Variants in DCAF1 observed in about 807,000 individuals in gnomAD.
DCAF1 encodes DDB1 and CUL4 associated factor 1.
DCAF1 carries 15 observed loss-of-function variants against 128.0 expected under a neutral mutation model. That is an observed-to-expected ratio of 0.12 (90% CI 0.08 to 0.18). The LOEUF (loss-of-function observed/expected upper bound fraction) is 0.18. Among genes scored for constraint, DCAF1 ranks in the 10% least tolerant of loss-of-function variants. The pLI is 1.00. For synonymous variants in DCAF1, 610 were observed against 603.0 expected (o/e 1.01, Z -0.17); for missense variants, 988 against 1,649.5 (o/e 0.60, Z 6.95).
chr3:51,448,211 T>C (rs1577180365), intron 6 of DCAF1, among the ~76,000 whole-genome samples: 1 of 152,238 alleles, frequency 6.6e-6, no homozygotes. Flanking sequence ...GCCTTTGTCC[T>C]TTCTCATCTC....
intron 3 of DCAF1, among the ~76,000 whole-genome samples, chr3:51,475,613 G>A (rs1398026720): frequency 2.6e-5 from 4 of 152,228 alleles, no homozygotes; most frequent in Admixed American, 6.5e-5. Flanking sequence ...CGTAATCCCA[G>A]CACTTTGGGA....
chr3:51,416,652 T>C lies in DCAF1; in HGVS notation c.3603+135A>G, dbSNP rs201411622. On this transcript the variant is annotated intron_variant, in intron 18 of 24. Transcript: ENST00000684031. ...AGCTCAGAACTATATTATCATACTT[T>C]TAGATTCTAACTAGAAGGAATATCA... The C allele has an allele frequency of 7.8e-6, 10 of 1,284,744 alleles. No individual in the cohort carries two copies. The East Asian group carries it at 2.2e-4, about 28-fold the overall frequency. The allele number at this position is 1,284,744 out of a possible 1,614,324, so 79.6% of individuals were successfully genotyped here.
intron 3 of DCAF1, among the ~76,000 whole-genome samples, chr3:51,483,072 G>C (rs1706437409): frequency 6.7e-6 from 1 of 149,548 alleles, no homozygotes; most frequent in African/African-American, 2.5e-5. Context: ...CCAGGAGGCG[G>C]AGGTTACAGT....
chr3:51,482,486 CG>C (rs1238183974), intron 3 of DCAF1, among the ~76,000 whole-genome samples: 1 of 150,122 alleles, frequency 6.7e-6, no homozygotes, highest in Non-Finnish European at 1.5e-5. Context: ...TTCACCAGGA[CG>C]GGCGCAGTGG....
At chr3:51,396,119 T>A (rs549159717), downstream of DCAF1, 7 of 407,426 alleles carry the variant, frequency 1.7e-5, no homozygotes, top group African/African-American at 6.2e-5. Flanking sequence ...AGTCCAAAAC[T>A]TCTTCTCTGG....
chr3:51,490,580 A>G (rs1214908142), intron 2 of DCAF1, among the ~76,000 whole-genome samples: 5 of 152,226 alleles, frequency 3.3e-5, no homozygotes, highest in Non-Finnish European at 7.3e-5. Flanking sequence ...TAGTATCAAG[A>G]TGGTAATACA....
At chr3:51,444,966 T>C (rs990507369) in intron 6 of DCAF1, among the ~76,000 whole-genome samples, 6 of 152,254 alleles carry the variant, frequency 3.9e-5, no homozygotes, top group Admixed American at 1.3e-4. Flanking sequence ...TGAGCCACCA[T>C]GCCCGGCCCC....
intron 14 of DCAF1, 108 bp from the exon 15 acceptor site, chr3:51,421,105 C>T (rs1699350316): frequency 3.8e-6 from 5 of 1,320,538 alleles, no homozygotes; most frequent in Admixed American, 2.6e-5. Context: ...CTTTAAAAAA[C>T]TATATTACTT....
chr3:51,418,962 G>C, intron 15 of DCAF1, 86 bp from the exon 16 acceptor site: 4 of 1,434,930 alleles, frequency 2.8e-6, no homozygotes, highest in Non-Finnish European at 2.7e-6. Flanking sequence ...AAAAAGCACA[G>C]AACATTAATG....
intron 2 of DCAF1, among the ~76,000 whole-genome samples, chr3:51,487,059 C>T (rs1375703263): frequency 2.6e-5 from 4 of 151,956 alleles, no homozygotes; most frequent in Non-Finnish European, 5.9e-5. Context: ...CCTCCACATC[C>T]CGGATTCAAG....
chr3:51,470,818 T>A, intron 4 of DCAF1, 111 bp downstream of exon 4: 1 of 643,122 alleles, frequency 1.6e-6, no homozygotes, highest in Admixed American at 3.3e-5. Flanking sequence ...AATTCAAAAA[T>A]TTTCCCATAA....
intron 6 of DCAF1, among the ~76,000 whole-genome samples, chr3:51,460,808 G>A (rs1401797007): frequency 7.7e-6 from 1 of 129,898 alleles, no homozygotes; most frequent in East Asian, 2.4e-4. Context: ...CAAGAAATGG[G>A]GAAAGGATTC....
chr3:51,444,701 A>T (rs1701678458), intron 6 of DCAF1, among the ~76,000 whole-genome samples: 1 of 150,758 alleles, frequency 6.6e-6, no homozygotes, highest in African/African-American at 2.4e-5. Context: ...ATTGAGACAG[A>T]GTCTTGCTCT....
chr3:51,496,097 G>C (rs1305798196), intron 2 of DCAF1, among the ~76,000 whole-genome samples: 2 of 151,822 alleles, frequency 1.3e-5, no homozygotes, highest in Non-Finnish European at 2.9e-5. Flanking sequence ...TTCGAGACCA[G>C]CCTGACTAAT....
Position 51,441,795 on chromosome 3 carries a change from G to A in DCAF1, c.616C>T (p.Leu206Phe). 1 of 1,613,918 alleles carries A rather than the reference G, an allele frequency of 6.2e-7. No homozygotes were observed. The highest frequency in any genetic ancestry group is 8.5e-7 in the Non-Finnish European group (1 of 1,179,862). Residue 206 changes from leucine to phenylalanine, a missense_variant, in exon 8 of 25, where the codon CTT (leucine) becomes TTT (phenylalanine). Physicochemically the swap from Leu to Phe is conservative, Grantham distance 22. This residue lies in a region of DCAF1 where 210 missense variants were observed against 260.2 expected (regional missense o/e 0.81). Coordinates refer to ENST00000684031, the MANE Select transcript of DCAF1 (RefSeq NM_001387579.1). ...PSPRKLSSEP[L>F]LPLDEEAVDM... ...ACAGCCTCCTCATCCAGAGGCAAAA[G>A]GGGTTCAGAAGAGAGCTTCCGTGGA... is the stretch of plus-strand genomic sequence containing the variant.
intron 9 of DCAF1, among the ~76,000 whole-genome samples, chr3:51,433,902 G>A (rs893300773): frequency 8.7e-4 from 131 of 150,692 alleles, no homozygotes; most frequent in Middle Eastern, 3.5e-3. Context: ...CCAACATGGC[G>A]AAATCCCGTC....
At chr3:51,441,115 G>C in intron 8 of DCAF1, 44 bp from the exon 9 acceptor site, 1 of 1,521,968 alleles carries the variant, frequency 6.6e-7, no homozygotes. Context: ...TGGCTTTATT[G>C]TCATGTATTT....
intron 24 of DCAF1, among the ~76,000 whole-genome samples, chr3:51,400,615 T>C (rs1203328088): frequency 2.6e-5 from 4 of 152,142 alleles, no homozygotes; most frequent in African/African-American, 9.7e-5. Context: ...GGTCAGACCA[T>C]AGGACGCCTT....
At chr3:51,475,924 A>C (rs2108293281) in intron 3 of DCAF1, among the ~76,000 whole-genome samples, 1 of 152,100 alleles carries the variant, frequency 6.6e-6, no homozygotes, top group East Asian at 1.9e-4. Flanking sequence ...GCTCTTCCAC[A>C]GTGTGAGACA....
Sources: allele counts gnomAD v4.1 joint callset (sites outside exome capture counted in the v4.1 genomes callset), GRCh38; gene constraint gnomAD v4.1.1; regional missense constraint gnomAD v4.1.1; transcripts MANE v1.5; gene names NCBI Gene and HGNC (gene_info 2026-07-23, HGNC 2026-07-21).